The following CDH23 variants were observed in gnomAD, a reference collection of about 807,000 sequenced individuals.
CDH23 encodes the protein cadherin-23.
A neutral mutation model predicts 317.1 loss-of-function variants in CDH23; 189 were observed. The ratio of observed to expected loss-of-function variants is 0.60; its 90% CI spans 0.53 to 0.67. CDH23 has a LOEUF of 0.67. Ranked by LOEUF, CDH23 falls within the 30% of genes least tolerant of loss-of-function variation. The pLI is 0.00. For missense variants in CDH23, 4,401 were observed against 4,592.4 expected (o/e 0.96, Z 1.20); for synonymous variants, 1,839 against 1,876.8 (o/e 0.98, Z 0.52).
intron 45 of CDH23, among the ~76,000 whole-genome samples, chr10:71,789,966 G>T (rs1841199556): frequency 6.6e-6 from 1 of 152,228 alleles, no homozygotes; most frequent in Non-Finnish European, 1.5e-5. Context: ...ATGGGGAGGG[G>T]ATGTCAGGGA....
chr10:71,512,772 A>G (rs1854069111), intron 6 of CDH23, among the ~76,000 whole-genome samples: 1 of 152,222 alleles, frequency 6.6e-6, no homozygotes, highest in African/African-American at 2.4e-5. Flanking sequence ...GGATTCTCCA[A>G]AGGCCTGTGC....
intron 6 of CDH23, among the ~76,000 whole-genome samples, chr10:71,529,460 T>C (rs1855232981): frequency 1.3e-5 from 2 of 152,052 alleles, no homozygotes; most frequent in South Asian, 4.1e-4. Flanking sequence ...TGGAGCGGGG[T>C]GGCCTTGTCT....
rs926452588 is a variant in CDH23 at position 71,742,851 on chromosome 10, G to A, written c.4845+930G>A. 6.6e-5 allele frequency among the ~76,000 whole-genome samples: 10 copies of A among 152,318 alleles called. No homozygotes were observed. The South Asian group carries it at 1.9e-3, about 28-fold the overall frequency. ...TAGTTAGCGCTAATTCTGCAGGCTG[G>A]CAATCTGGACATGGCTTAGCCGGGT... On this transcript the variant is annotated intron_variant, in intron 38 of 69. Transcript: ENST00000224721.
At chr10:71,569,210 G>A (rs952409406) in intron 7 of CDH23, among the ~76,000 whole-genome samples, 2 of 152,146 alleles carry the variant, frequency 1.3e-5, no homozygotes, top group Non-Finnish European at 2.9e-5. Flanking sequence ...CCTCTCCCTT[G>A]CAGCACCCAC....
intron 14 of CDH23, among the ~76,000 whole-genome samples, chr10:71,662,171 G>T (rs1863701574): frequency 6.6e-6 from 1 of 152,036 alleles, no homozygotes; most frequent in African/African-American, 2.4e-5. Flanking sequence ...TGTCAGGCGA[G>T]CAATCGTGTG....
intron 1 of CDH23, among the ~76,000 whole-genome samples, chr10:71,407,820 C>T (rs543848808): frequency 1.2e-4 from 18 of 152,248 alleles, no homozygotes; most frequent in Middle Eastern, 3.4e-3. Context: ...TGTGTGAAGA[C>T]TTTAGTGATA....
chr10:71,446,824 C>T (rs928964079), intron 3 of CDH23, among the ~76,000 whole-genome samples: 1 of 152,208 alleles, frequency 6.6e-6, no homozygotes. Context: ...TCTTGGTGCT[C>T]AGCCCGTCGC....
intron 3 of CDH23, among the ~76,000 whole-genome samples, chr10:71,456,743 C>T (rs993782068): frequency 3.3e-5 from 5 of 152,214 alleles, no homozygotes; most frequent in Admixed American, 2.6e-4. Context: ...CTAGATCAGC[C>T]GTTCATACAC....
chr10:71,517,117 C>G (rs1221085279), intron 6 of CDH23, among the ~76,000 whole-genome samples: 2 of 152,202 alleles, frequency 1.3e-5, no homozygotes, highest in Admixed American at 1.3e-4. Flanking sequence ...CCCTCTGCCT[C>G]TTGGGCGGTG....
rs777984465 is a variant in CDH23, at chr10:71,784,848, G to A, written c.5503-43G>A. ...TCCTCGGTTGCCATGCACAACATCT[G>A]TCGCTCTTCCTCCCCTCCCTCCTCC... On this transcript the variant is annotated intron_variant, in intron 42 of 69. Coordinates refer to ENST00000224721, the MANE Select transcript of CDH23 (RefSeq NM_022124.6). 1.4e-5 allele frequency: 21 copies of A among 1,542,682 alleles called. No individual in the cohort carries two copies. In the East Asian group the frequency reaches 3.8e-4, roughly 28 times the overall value.
intron 11 of CDH23, among the ~76,000 whole-genome samples, chr10:71,634,461 T>A (rs112962780): frequency 6.6e-6 from 1 of 152,204 alleles, no homozygotes; most frequent in Non-Finnish European, 1.5e-5. Flanking sequence ...GGTAGAGTGA[T>A]GAGGTTCAAA....
intron 29 of CDH23, among the ~76,000 whole-genome samples, chr10:71,724,966 C>T (rs1866740920): frequency 6.6e-6 from 1 of 152,212 alleles, no homozygotes; most frequent in Admixed American, 6.5e-5. Flanking sequence ...GATTCAACCA[C>T]CCATGGAGAA....
intron 11 of CDH23, among the ~76,000 whole-genome samples, chr10:71,619,809 A>G (rs1485969697): frequency 6.6e-6 from 1 of 152,190 alleles, no homozygotes; most frequent in African/African-American, 2.4e-5. Flanking sequence ...CTTGGAGGCA[A>G]CCCAGAAGGA....
At chr10:71,590,899 A>G (rs1167750009) in intron 9 of CDH23, among the ~76,000 whole-genome samples, 1 of 144,156 alleles carries the variant, frequency 6.9e-6, no homozygotes, top group Non-Finnish European at 1.5e-5. Context: ...AAAAAAAACA[A>G]AAAAAAACAC....
intron 6 of CDH23, among the ~76,000 whole-genome samples, chr10:71,522,894 GA>G (rs1445380471): frequency 6.6e-6 from 1 of 152,188 alleles, no homozygotes; most frequent in Non-Finnish European, 1.5e-5. Flanking sequence ...CAGTTGGTAA[GA>G]AAGGTGTGAT....
chr10:71,564,092 G>A lies in CDH23; in HGVS notation c.430-2650G>A, dbSNP rs74708799. The stretch of plus-strand genomic sequence containing the variant: ...AAAGTTCCAGACTCAAAGTTAGGGA[G>A]TCTAACTCAGAATTCATGCTCTGAG... On this transcript the variant is annotated intron_variant, in intron 6 of 69. Transcript: ENST00000224721. Among the ~76,000 whole-genome samples, 1,402 of 152,306 alleles carry A rather than the reference G, an allele frequency of 9.2e-3. 21 individuals carry two copies. Among genetic ancestry groups the A allele is most frequent in the Admixed American group, 0.047 (719 of 15,302 alleles).
chr10:71,723,176 A>G (rs1327780996), intron 28 of CDH23, among the ~76,000 whole-genome samples: 1 of 152,182 alleles, frequency 6.6e-6, no homozygotes, highest in African/African-American at 2.4e-5. Context: ...GCAATTCACC[A>G]CAGATCCAAC....
At chr10:71,633,249 A>G (rs1412822436) in intron 11 of CDH23, among the ~76,000 whole-genome samples, 1 of 151,914 alleles carries the variant, frequency 6.6e-6, no homozygotes, top group African/African-American at 2.4e-5. Flanking sequence ...TTGGAGGGGG[A>G]CATTCAAACC....
rs781538262 is a variant in CDH23 at position 71,812,387 on chromosome 10, A to G, written c.9381-93A>G. 1.6e-5 allele frequency: 25 copies of G among 1,604,950 alleles called. No individual in the cohort carries two copies. In the East Asian group the frequency reaches 1.8e-4, roughly 11 times the overall value. ...AGTCAGTGAAAGGCACTATATGGCC[A>G]GGGAAATGGGCAGGATGTGGGGTGA... On this transcript the variant is annotated intron_variant, in intron 66 of 69. Coordinates refer to ENST00000224721, the MANE Select transcript of CDH23 (RefSeq NM_022124.6).
Sources: allele counts gnomAD v4.1 joint callset (sites outside exome capture counted in the v4.1 genomes callset), GRCh38; gene constraint gnomAD v4.1.1; transcripts MANE v1.5; gene names NCBI Gene and HGNC (gene_info 2026-07-23, HGNC 2026-07-21).